Variants in CIMIP1 observed in about 807,000 individuals in gnomAD.
The protein encoded by CIMIP1 is low in lung cancer 1.
chr20:58,153,971 G>T, the CIMIP1 span, among the ~76,000 whole-genome samples: 1 of 152,214 alleles, frequency 6.6e-6, no homozygotes. Context: ...AAGCAGGTGG[G>T]TCTGATGCCA....
the CIMIP1 span, chr20:58,150,981 T>A: frequency 6.2e-7 from 1 of 1,608,390 alleles, no homozygotes; most frequent in Admixed American, 1.7e-5. Flanking sequence ...CAGAAACCTC[T>A]CAGCACCGCG....
At chr20:58,157,929 C>G in the CIMIP1 span, among the ~76,000 whole-genome samples, 6 of 152,220 alleles carry the variant, frequency 3.9e-5, no homozygotes, top group Non-Finnish European at 5.9e-5. Context: ...CTGCCTCCAC[C>G]TGCCTCCATC....
chr20:58,152,970 G>A, the CIMIP1 span, among the ~76,000 whole-genome samples: 1 of 152,162 alleles, frequency 6.6e-6, no homozygotes, highest in Middle Eastern at 3.2e-3. Flanking sequence ...AACTCAAAAC[G>A]ATTGAATGTT....
chr20:58,153,626 GTAAATA>G, the CIMIP1 span: 23 of 1,605,834 alleles, frequency 1.4e-5, no homozygotes, highest in Admixed American at 2.7e-4. Flanking sequence ...TTTTGAGGAG[GTAAATA>G]TAAATTGTAT....
At chr20:58,155,272 C>T in the CIMIP1 span, among the ~76,000 whole-genome samples, 26 of 152,334 alleles carry the variant, frequency 1.7e-4, 1 homozygote, top group African/African-American at 5.1e-4. Flanking sequence ...ACTTTCCTAA[C>T]GGTGTAACTA....
chr20:58,155,366 T>G, the CIMIP1 span: 2 of 886,582 alleles, frequency 2.3e-6, no homozygotes, highest in Non-Finnish European at 1.8e-6. Flanking sequence ...GGGAGGACAC[T>G]CCCCCAGCTT....
At chr20:58,153,292 C>A in the CIMIP1 span, among the ~76,000 whole-genome samples, 1 of 152,146 alleles carries the variant, frequency 6.6e-6, no homozygotes, top group Non-Finnish European at 1.5e-5. Flanking sequence ...AGAATCGGCC[C>A]CCAGACTGGC....
the CIMIP1 span, among the ~76,000 whole-genome samples, chr20:58,152,427 T>A: frequency 5.4e-5 from 8 of 147,890 alleles, no homozygotes; most frequent in East Asian, 5.9e-4. Context: ...ATGATTTATT[T>A]AAAAAAAAAA....
chr20:58,151,263 C>G, the CIMIP1 span, among the ~76,000 whole-genome samples: 1 of 152,020 alleles, frequency 6.6e-6, no homozygotes, highest in Non-Finnish European at 1.5e-5. Flanking sequence ...CTGTTGGGCC[C>G]ACCACGAAGA....
chr20:58,157,673 T>C, the CIMIP1 span, among the ~76,000 whole-genome samples: 2 of 152,350 alleles, frequency 1.3e-5, no homozygotes, highest in East Asian at 1.9e-4. Context: ...ATTGAGGTTG[T>C]ATCCGGCATG....
chr20:58,158,720 C>T, the CIMIP1 span, among the ~76,000 whole-genome samples: 1 of 152,018 alleles, frequency 6.6e-6, no homozygotes, highest in Non-Finnish European at 1.5e-5. Flanking sequence ...TCATTGGTGA[C>T]CAAAGCCTTT....
chr20:58,153,602 T>G, the CIMIP1 span: 3 of 1,612,986 alleles, frequency 1.9e-6, no homozygotes, highest in South Asian at 1.1e-5. Context: ...GAACTGGGGG[T>G]TTTTAACAAC....
chr20:58,153,144 G>A, the CIMIP1 span, among the ~76,000 whole-genome samples: 17 of 152,168 alleles, frequency 1.1e-4, no homozygotes, highest in Non-Finnish European at 4.4e-5. Flanking sequence ...AATGCTCCAC[G>A]TCAAGGTCAT....
the CIMIP1 span, among the ~76,000 whole-genome samples, chr20:58,152,710 G>C: frequency 3.7e-3 from 483 of 130,830 alleles, 2 homozygotes; most frequent in African/African-American, 0.014. Context: ...CAAAAAAAAG[G>C]CGAAACTCCA....
chr20:58,160,501 A>C, the CIMIP1 span, among the ~76,000 whole-genome samples: 1,374 of 152,322 alleles, frequency 9.0e-3, 22 homozygotes, highest in African/African-American at 0.029. Context: ...GAAAGATGAG[A>C]GCCTCTGAGT....
the CIMIP1 span, among the ~76,000 whole-genome samples, chr20:58,154,047 C>T: frequency 2.0e-5 from 3 of 152,194 alleles, no homozygotes; most frequent in Admixed American, 1.3e-4. Context: ...CCTAACTGAG[C>T]GACTGTGAGG....
At chr20:58,151,577 T>G in the CIMIP1 span, among the ~76,000 whole-genome samples, 1 of 152,078 alleles carries the variant, frequency 6.6e-6, no homozygotes, top group Non-Finnish European at 1.5e-5. Flanking sequence ...CACACCCGGC[T>G]AATGTTTTTG....
the CIMIP1 span, among the ~76,000 whole-genome samples, chr20:58,152,228 A>G: frequency 1.3e-5 from 2 of 151,462 alleles, no homozygotes; most frequent in Non-Finnish European, 2.9e-5. Context: ...CTGCCACAGC[A>G]GGATCTGTTC....
At chr20:58,155,532 G>T in the CIMIP1 span, 1 of 1,614,082 alleles carries the variant, frequency 6.2e-7, no homozygotes, top group South Asian at 1.1e-5. Context: ...GAGCGTTTCC[G>T]CATCCGGCCG....
Sources: gnomAD v4.1 joint callset for allele counts (sites outside exome capture counted in the v4.1 genomes callset) on GRCh38, gnomAD v4.1.1 for gene constraint, MANE v1.5 for transcripts, NCBI Gene and HGNC (gene_info 2026-07-23, HGNC 2026-07-21) for gene names.